The following TMCO4 variants were observed in gnomAD, a reference collection of about 807,000 sequenced individuals.
TMCO4 encodes the protein transmembrane and coiled-coil domain-containing protein 4.
TMCO4 carries 58 observed loss-of-function variants against 64.7 expected under a neutral mutation model. The observed-to-expected ratio is 0.90, with a 90% CI of 0.73 to 1.12. The LOEUF (loss-of-function observed/expected upper bound fraction) is 1.12. Among genes scored for constraint, TMCO4 ranks in the 50% most tolerant of loss-of-function variants. TMCO4 has a pLI of 0.00. For synonymous variants in TMCO4, 325 were observed against 346.1 expected (o/e 0.94, Z 0.68); for missense variants, 780 against 825.9 (o/e 0.94, Z 0.68).
intron 4 of TMCO4, among the ~76,000 whole-genome samples, chr1:19,774,331 G>A (rs2043115611): frequency 6.6e-6 from 1 of 152,186 alleles, no homozygotes; most frequent in Non-Finnish European, 1.5e-5. Context: ...GCACAGACTG[G>A]TTCAAATCCC....
chr1:19,698,139 C>A (rs2095248989), intron 14 of TMCO4, among the ~76,000 whole-genome samples: 1 of 152,224 alleles, frequency 6.6e-6, no homozygotes. Flanking sequence ...CCAGGCTGAA[C>A]AACTGCCACC....
intron 3 of TMCO4, among the ~76,000 whole-genome samples, chr1:19,783,532 A>G (rs963381984): frequency 2.0e-5 from 3 of 152,248 alleles, no homozygotes; most frequent in African/African-American, 7.2e-5. Flanking sequence ...AACAACCCTG[A>G]GGTAGTTCAA....
Position 19,743,726 on chromosome 1 carries a change from C to G in TMCO4, c.877+1806G>C, listed in dbSNP as rs1040042880. Among the ~76,000 whole-genome samples the G allele has an allele frequency of 3.3e-5, 5 of 152,198 alleles. No individual in the cohort carries two copies. In the East Asian group the frequency reaches 9.6e-4, roughly 29 times the overall value. On this transcript the variant is annotated intron_variant, in intron 10 of 15. Coordinates refer to ENST00000294543, the MANE Select transcript of TMCO4 (RefSeq NM_181719.7). This position sits in a 1 kb window ranked among gnomAD's most constrained non-coding sequence, Gnocchi z 4.1. ...ACCTGGGCTCTTGTTCTTGCTCCTT[C>G]CTGTAGCACGGTAAAATGAAAACAA...
At chr1:19,711,801 G>A (rs2095331922) in intron 13 of TMCO4, among the ~76,000 whole-genome samples, 1 of 152,160 alleles carries the variant, frequency 6.6e-6, no homozygotes, top group Non-Finnish European at 1.5e-5. Flanking sequence ...GGGATTACAG[G>A]CATGCGCCAC....
chr1:19,740,931 A>C lies in TMCO4; in HGVS notation c.888T>G (p.Ser296Arg). Reference protein sequence around the residue: ...WLASGKYRTFSAPWAALAHSR... With the variant: ...WLASGKYRTFRAPWAALAHSR... ...TGTGGGCCAGGGCAGCCCACGGGGC[A>C]CTGAAGGTGCCTGGGGAGATCACAG... The change falls in exon 11 of 16, where the codon AGT (serine) becomes AGG (arginine). Residue 296 changes from serine (S) to arginine (R), a missense_variant. Transcript: ENST00000294543. 2 of 1,610,494 alleles carry C rather than the reference A, an allele frequency of 1.2e-6. No homozygotes were observed. The highest frequency in any genetic ancestry group is 1.7e-6 in the Non-Finnish European group (2 of 1,178,484).
At chr1:19,756,003 T>G (rs2042238514) in intron 6 of TMCO4, among the ~76,000 whole-genome samples, 2 of 152,090 alleles carry the variant, frequency 1.3e-5, no homozygotes, top group Non-Finnish European at 2.9e-5. Flanking sequence ...TCCCAGCACT[T>G]CGGGGGGCTG....
intron 14 of TMCO4, among the ~76,000 whole-genome samples, chr1:19,695,137 T>C (rs1049205800): frequency 6.6e-6 from 1 of 152,156 alleles, no homozygotes; most frequent in Non-Finnish European, 1.5e-5. Flanking sequence ...CGAGGGTGGT[T>C]GTCCAGGCAG....
At chr1:19,763,926 C>A (rs2042616242) in intron 6 of TMCO4, among the ~76,000 whole-genome samples, 1 of 152,190 alleles carries the variant, frequency 6.6e-6, no homozygotes, top group African/African-American at 2.4e-5. Flanking sequence ...TAACTCAGGA[C>A]ATCTTGGGGA....
chr1:19,768,775 CAG>C (rs777893634), intron 6 of TMCO4, among the ~76,000 whole-genome samples: 54 of 152,290 alleles, frequency 3.5e-4, no homozygotes, highest in Admixed American at 2.5e-3. Context: ...AGAAAGCACT[CAG>C]GAATTGCCTG....
At chr1:19,774,915 C>T (rs1341479772) in intron 4 of TMCO4, among the ~76,000 whole-genome samples, 1 of 152,164 alleles carries the variant, frequency 6.6e-6, no homozygotes, top group Non-Finnish European at 1.5e-5. Flanking sequence ...AGAGGCTATG[C>T]ATACCAGCTG....
chr1:19,771,342 G>A lies in TMCO4; in HGVS notation c.320C>T (p.Pro107Leu), dbSNP rs765025975. Reference sequence around the variant, plus strand: ...CACCGTCGGGTCGTCCTTCAAGATGGGGTCCTTCAGTAAAATTTGAACAAA... The same window carrying A: ...CACCGTCGGGTCGTCCTTCAAGATGAGGTCCTTCAGTAAAATTTGAACAAA... Reference protein sequence around the residue: ...DVFVQILLKDPILKDDPTVIT... With the variant: ...DVFVQILLKDLILKDDPTVIT... Residue 107 changes from proline (P) to leucine (L), a missense_variant, in exon 5 of 16, where the codon CCC becomes CTC. Pro to Leu is a moderately conservative substitution (Grantham distance 98). Coordinates refer to ENST00000294543, the MANE Select transcript of TMCO4 (RefSeq NM_181719.7). 1 of 1,614,036 alleles carries A rather than the reference G, an allele frequency of 6.2e-7. No individual in the cohort carries two copies. Among genetic ancestry groups the A allele is most frequent in the African/African-American group, 1.3e-5 (1 of 74,916 alleles).
intron 13 of TMCO4, among the ~76,000 whole-genome samples, chr1:19,709,298 A>T (rs373044920): frequency 7.8e-6 from 1 of 127,674 alleles, no homozygotes; most frequent in Non-Finnish European, 1.7e-5. Flanking sequence ...GGGGGGGGGG[A>T]CCCTAAAAAT....
chr1:19,763,357 C>T (rs773620507), intron 6 of TMCO4, among the ~76,000 whole-genome samples: 15 of 152,156 alleles, frequency 9.9e-5, no homozygotes, highest in East Asian at 1.9e-4. Context: ...TTGTTACAGG[C>T]GTGAGCCACC....
intron 6 of TMCO4, among the ~76,000 whole-genome samples, chr1:19,756,194 AGCCGTG>A (rs1213936897): frequency 1.3e-5 from 2 of 152,168 alleles, no homozygotes; most frequent in Non-Finnish European, 2.9e-5. Flanking sequence ...GGCTGCAGTG[AGCCGTG>A]ATCATGTCAC....
At chr1:19,745,986 C>T (rs1158042662) in intron 9 of TMCO4, among the ~76,000 whole-genome samples, 1 of 152,122 alleles carries the variant, frequency 6.6e-6, no homozygotes, top group Non-Finnish European at 1.5e-5. Context: ...CACTTAGTAA[C>T]AGTGAATCAA....
At chr1:19,700,587 G>A (rs565072016) in intron 14 of TMCO4, among the ~76,000 whole-genome samples, 181 bp downstream of exon 14, 5 of 152,314 alleles carry the variant, frequency 3.3e-5, no homozygotes, top group Admixed American at 2.0e-4. Context: ...CTGGAGGGCC[G>A]CTTCCCAGAT....
At chr1:19,745,163 G>A (rs946085781) in intron 10 of TMCO4, among the ~76,000 whole-genome samples, 1 of 151,768 alleles carries the variant, frequency 6.6e-6, no homozygotes, top group Non-Finnish European at 1.5e-5. Flanking sequence ...TGGGTAGACA[G>A]GTGAGTGGGT....
At chr1:19,717,183 T>A (rs1027361885) in intron 13 of TMCO4, among the ~76,000 whole-genome samples, 1 of 152,112 alleles carries the variant, frequency 6.6e-6, no homozygotes. Context: ...CGAAACTCCA[T>A]CTCAAATAAA....
chr1:19,790,918 T>A, intron 2 of TMCO4, among the ~76,000 whole-genome samples: 1 of 152,126 alleles, frequency 6.6e-6, no homozygotes. Context: ...CAAATGCCCA[T>A]TGATGATAGA....
Sources: gnomAD v4.1 joint callset for allele counts (sites outside exome capture counted in the v4.1 genomes callset) on GRCh38, gnomAD v4.1.1 for gene constraint, Gnocchi (gnomAD v3.1) non-coding constraint, MANE v1.5 for transcripts, NCBI Gene and HGNC (gene_info 2026-07-23, HGNC 2026-07-21) for gene names.